The following PRKN variants were observed in gnomAD, a reference collection of about 807,000 sequenced individuals.
PRKN encodes the protein E3 ubiquitin-protein ligase parkin.
Under a neutral mutation model 59.5 loss-of-function variants are expected in PRKN, and 56 were observed. That is an observed-to-expected ratio of 0.94 (90% CI 0.76 to 1.18). The LOEUF (loss-of-function observed/expected upper bound fraction) is 1.18. PRKN is among the 50% of genes most tolerant of loss of function. The pLI, the probability that PRKN is intolerant of heterozygous loss-of-function variation, is 0.00. For synonymous variants in PRKN, 250 were observed against 222.1 expected (o/e 1.13, Z -1.12); for missense variants, 657 against 596.4 (o/e 1.10, Z -1.06).
chr6:162,079,749 G>A (rs1356205481), intron 4 of PRKN, among the ~76,000 whole-genome samples: 1 of 152,054 alleles, frequency 6.6e-6, no homozygotes, highest in Non-Finnish European at 1.5e-5. Context: ...GAAACATAGA[G>A]TTATGCGTGA....
intron 3 of PRKN, among the ~76,000 whole-genome samples, chr6:162,260,327 C>T (rs1779836576): frequency 6.6e-6 from 1 of 152,120 alleles, no homozygotes; most frequent in Non-Finnish European, 1.5e-5. Context: ...ATAGATCATA[C>T]AGTACTCTGA....
intron 7 of PRKN, among the ~76,000 whole-genome samples, chr6:161,777,647 CAT>C (rs1327566574): frequency 1.5e-5 from 2 of 137,492 alleles, no homozygotes; most frequent in Admixed American, 7.6e-5. Context: ...CGGATATTCT[CAT>C]ATATATATAT....
intron 9 of PRKN, among the ~76,000 whole-genome samples, chr6:161,512,585 A>C (rs915127690): frequency 1.3e-5 from 2 of 152,170 alleles, no homozygotes; most frequent in African/African-American, 4.8e-5. Context: ...GCTTGGACTG[A>C]AATTCCTGGT....
At chr6:162,372,450 A>G (rs1030560858) in intron 2 of PRKN, among the ~76,000 whole-genome samples, 2 of 152,174 alleles carry the variant, frequency 1.3e-5, no homozygotes. Flanking sequence ...GCCCTGTAAG[A>G]TGGTATTAGC....
chr6:162,010,269 A>T (rs1023459119), intron 5 of PRKN, among the ~76,000 whole-genome samples: 2 of 127,950 alleles, frequency 1.6e-5, no homozygotes, highest in Non-Finnish European at 3.1e-5. Flanking sequence ...TATTTTATAT[A>T]TATTATGTAT....
chr6:162,696,562 TTTTTTTTTTTTC>T (rs1315333282), intron 1 of PRKN, among the ~76,000 whole-genome samples: 1 of 145,860 alleles, frequency 6.9e-6, no homozygotes, highest in African/African-American at 2.5e-5. Flanking sequence ...GGAAAAACTT[TTTTTTTTTTTTC>T]TTTTTTTTGA....
intron 4 of PRKN, among the ~76,000 whole-genome samples, chr6:162,200,234 C>T (rs1784667752): frequency 6.6e-6 from 1 of 152,158 alleles, no homozygotes; most frequent in Non-Finnish European, 1.5e-5. Context: ...CACGCTCGGC[C>T]TGCATGCCCT....
At chr6:162,028,729 T>A (rs1341293960) in intron 5 of PRKN, among the ~76,000 whole-genome samples, 1 of 152,172 alleles carries the variant, frequency 6.6e-6, no homozygotes, top group Non-Finnish European at 1.5e-5. Context: ...GGCTTGGGAA[T>A]ATTGGGAGCT....
chr6:162,689,854 C>G (rs1249996575), intron 1 of PRKN, among the ~76,000 whole-genome samples: 7 of 152,110 alleles, frequency 4.6e-5, no homozygotes, highest in Admixed American at 4.6e-4. Context: ...GACTGCATGC[C>G]CTGCTTAAAG....
chr6:162,301,327 A>T (rs1781942865), intron 2 of PRKN, among the ~76,000 whole-genome samples: 1 of 151,034 alleles, frequency 6.6e-6, no homozygotes, highest in East Asian at 1.9e-4. Context: ...ACGCAGACTC[A>T]GCATTCTTAA....
At chr6:161,942,989 C>T (rs776203790) in intron 6 of PRKN, among the ~76,000 whole-genome samples, 1 of 152,112 alleles carries the variant, frequency 6.6e-6, no homozygotes, top group African/African-American at 2.4e-5. Flanking sequence ...AATCTTTATT[C>T]TTATCTGGGT....
intron 1 of PRKN, among the ~76,000 whole-genome samples, chr6:162,522,710 G>C (rs2128193979): frequency 6.6e-6 from 1 of 151,536 alleles, no homozygotes; most frequent in South Asian, 2.1e-4. Flanking sequence ...ATGCTCTAAA[G>C]TCTTTCTAAC....
intron 1 of PRKN, among the ~76,000 whole-genome samples, chr6:162,499,632 A>G (rs937797807): frequency 1.3e-5 from 2 of 152,202 alleles, no homozygotes; most frequent in African/African-American, 4.8e-5. Context: ...AGACTTTTGG[A>G]AAATTAATCT....
chr6:161,642,535 A>C (rs1783782303), intron 7 of PRKN, among the ~76,000 whole-genome samples: 1 of 152,214 alleles, frequency 6.6e-6, no homozygotes, highest in Admixed American at 6.5e-5. Flanking sequence ...AGGAAGATCA[A>C]AGGAGTCTTA....
At chr6:162,475,035 T>C (rs2128179804) in intron 1 of PRKN, among the ~76,000 whole-genome samples, 1 of 152,304 alleles carries the variant, frequency 6.6e-6, no homozygotes, top group Non-Finnish European at 1.5e-5. Flanking sequence ...ATAAGTAAAC[T>C]TAAGGCAAGG....
chr6:162,544,879 G>A (rs901111074), intron 1 of PRKN, among the ~76,000 whole-genome samples: 2 of 149,926 alleles, frequency 1.3e-5, no homozygotes, highest in Non-Finnish European at 3.0e-5. Flanking sequence ...GTTTCACCAG[G>A]TTGGCCAGGC....
At chr6:162,400,548 A>G (rs145006618) in intron 2 of PRKN, among the ~76,000 whole-genome samples, 2 of 151,896 alleles carry the variant, frequency 1.3e-5, no homozygotes, top group East Asian at 3.9e-4. Context: ...CATGTTGAAT[A>G]TTGTTCTCAA....
In PRKN at chr6:161,460,179, A is replaced by G. The variant is rs2115160129; in HGVS notation, c.1084-73302T>C. On this transcript the variant is annotated intron_variant, in intron 9 of 11. Coordinates refer to ENST00000366898, the MANE Select transcript of PRKN (RefSeq NM_004562.3). This position sits in a 1 kb window ranked among gnomAD's most constrained non-coding sequence, Gnocchi z 5.0. Reference sequence around the variant, plus strand: ...ACAGATTTTGGTGGTAATACAACCAAAGTTTATAATAGGAATATAATCCGT... The same window carrying G: ...ACAGATTTTGGTGGTAATACAACCAGAGTTTATAATAGGAATATAATCCGT... Among the ~76,000 whole-genome samples the G allele has an allele frequency of 6.6e-6, 1 of 152,354 alleles. No individual in the cohort carries two copies. Among genetic ancestry groups the G allele is most frequent in the East Asian group, 1.9e-4 (1 of 5,188 alleles).
intron 6 of PRKN, among the ~76,000 whole-genome samples, chr6:161,949,183 C>T (rs1779892139): frequency 6.6e-6 from 1 of 152,202 alleles, no homozygotes; most frequent in African/African-American, 2.4e-5. Flanking sequence ...GAAGTATCTT[C>T]CTAAAGCATA....
Sources: allele counts gnomAD v4.1 joint callset (sites outside exome capture counted in the v4.1 genomes callset), GRCh38; gene constraint gnomAD v4.1.1; non-coding constraint Gnocchi (gnomAD v3.1); transcripts MANE v1.5; gene names NCBI Gene and HGNC (gene_info 2026-07-23, HGNC 2026-07-21).